XKR6: variants seen among roughly 807,000 people sequenced by gnomAD.
XKR6 encodes XK-related protein 6.
Under a neutral mutation model 56.7 loss-of-function variants are expected in XKR6, and 22 were observed. That is an observed-to-expected ratio of 0.39 (90% CI 0.28 to 0.55). The LOEUF (loss-of-function observed/expected upper bound fraction) is 0.55, where lower values mean the gene tolerates loss of function less well. XKR6 is among the 20% of genes least tolerant of loss of function. The probability of loss-of-function intolerance (pLI) is 0.66; values close to 1 mark genes in which losing one functional copy is unlikely to be tolerated. For missense variants in XKR6, 852 were observed against 889.0 expected, an observed-to-expected ratio of 0.96 and a Z score of 0.53; for synonymous variants, 524 against 387.8, an observed-to-expected ratio of 1.35 and a Z score of -4.13.
chr8:10,949,224 A>T (rs1320106296), intron 1 of XKR6, among the ~76,000 whole-genome samples: 1 of 152,182 alleles, frequency 6.6e-6, no homozygotes, highest in Non-Finnish European at 1.5e-5. Context: ...CCTCCATAAG[A>T]TAAAGAGCGG....
intron 1 of XKR6, among the ~76,000 whole-genome samples, chr8:10,927,554 C>T (rs948440524): frequency 3.3e-5 from 5 of 152,152 alleles, no homozygotes; most frequent in Non-Finnish European, 7.4e-5. Flanking sequence ...ATCTGGGTCC[C>T]AGGTCAGTAA....
At chr8:11,044,531 G>A (rs192916594) in intron 1 of XKR6, among the ~76,000 whole-genome samples, 103 of 152,254 alleles carry the variant, frequency 6.8e-4, no homozygotes, top group Non-Finnish European at 1.2e-3. Flanking sequence ...CCATCGCCAA[G>A]GTCAGCATGA....
intron 1 of XKR6, among the ~76,000 whole-genome samples, chr8:10,940,529 G>A (rs936644993): frequency 6.6e-6 from 1 of 152,224 alleles, no homozygotes; most frequent in African/African-American, 2.4e-5. Context: ...AGCCCTAGCA[G>A]AAGGCTGAGT....
At chr8:11,152,127 T>A (rs141587376) in intron 1 of XKR6, among the ~76,000 whole-genome samples, 1 of 152,262 alleles carries the variant, frequency 6.6e-6, no homozygotes, top group African/African-American at 2.4e-5. Flanking sequence ...ATAAGAATCT[T>A]AAGAAAATTT....
chr8:11,062,397 T>C (rs1224901119), intron 1 of XKR6, among the ~76,000 whole-genome samples: 3 of 152,212 alleles, frequency 2.0e-5, no homozygotes, highest in Non-Finnish European at 2.9e-5. Context: ...CCTTTATTTG[T>C]ATGTTCCTTC....
At chr8:10,899,235 G>A (rs149747422) in intron 2 of XKR6, among the ~76,000 whole-genome samples, 4 of 152,180 alleles carry the variant, frequency 2.6e-5, no homozygotes, top group Non-Finnish European at 4.4e-5. Context: ...TGTGGGTTCC[G>A]CCTTAAGGAA....
At chr8:11,105,492 C>T (rs1178561311) in intron 1 of XKR6, 2 of 152,248 alleles carry the variant, frequency 1.3e-5, no homozygotes, top group Non-Finnish European at 2.9e-5. Context: ...CGACCGTCAC[C>T]ACTGCTGAGT....
chr8:11,123,950 G>A (rs557699395), intron 1 of XKR6: 17 of 455,934 alleles, frequency 3.7e-5, no homozygotes, highest in East Asian at 2.1e-4. Context: ...GCAGAGGATC[G>A]GCTCCAGTGC....
At chr8:11,115,782 T>A (rs1799142359) in intron 1 of XKR6, among the ~76,000 whole-genome samples, 1 of 152,254 alleles carries the variant, frequency 6.6e-6, no homozygotes, top group African/African-American at 2.4e-5. Context: ...CACCAAGGCC[T>A]GATTTTTCAC....
intron 1 of XKR6, among the ~76,000 whole-genome samples, chr8:11,193,081 AC>A (rs1273504904): frequency 6.6e-6 from 1 of 152,330 alleles, no homozygotes; most frequent in South Asian, 2.1e-4. Context: ...GCCAGGGCAA[AC>A]CGTAATTATC....
intron 1 of XKR6, among the ~76,000 whole-genome samples, chr8:11,144,768 G>A (rs556846598): frequency 2.0e-4 from 31 of 151,414 alleles, no homozygotes; most frequent in South Asian, 4.2e-4. Context: ...TTTTGACTCC[G>A]TAAGATAATT....
chr8:11,047,101 A>T (rs1799429021), intron 1 of XKR6, among the ~76,000 whole-genome samples: 1 of 152,208 alleles, frequency 6.6e-6, no homozygotes, highest in Non-Finnish European at 1.5e-5. Flanking sequence ...ATAGTTAATA[A>T]CATATTGTCT....
intron 1 of XKR6, among the ~76,000 whole-genome samples, chr8:11,018,057 C>T (rs1385584618): frequency 6.6e-6 from 1 of 152,204 alleles, no homozygotes; most frequent in Non-Finnish European, 1.5e-5. Flanking sequence ...AACCTATACA[C>T]ATGTGACAAT....
intron 1 of XKR6, among the ~76,000 whole-genome samples, chr8:10,997,443 G>A (rs978802807): frequency 1.3e-5 from 2 of 152,172 alleles, no homozygotes; most frequent in African/African-American, 4.8e-5. Flanking sequence ...GAGAGCAGGG[G>A]TGGCGGTCTG....
chr8:10,971,465 TA>T (rs1024410502), intron 1 of XKR6, among the ~76,000 whole-genome samples: 3 of 151,898 alleles, frequency 2.0e-5, no homozygotes, highest in Non-Finnish European at 4.4e-5. Flanking sequence ...TAATTTGAAA[TA>T]AAAAAATAAA....
At chr8:10,924,929 C>G (rs1800835700) in intron 1 of XKR6, 99 bp from the exon 2 acceptor site, 2 of 1,319,984 alleles carry the variant, frequency 1.5e-6, no homozygotes, top group Admixed American at 2.2e-5. Flanking sequence ...TCAGCATCCC[C>G]CCAACTCCCT....
intron 1 of XKR6, among the ~76,000 whole-genome samples, chr8:11,089,052 A>G (rs1797983397): frequency 6.6e-6 from 1 of 152,194 alleles, no homozygotes. Context: ...ATTCCAGCCA[A>G]CAAAGCCACA....
intron 1 of XKR6, among the ~76,000 whole-genome samples, chr8:11,118,787 G>GT (rs1327099035): frequency 2.6e-5 from 4 of 152,210 alleles, no homozygotes; most frequent in African/African-American, 9.6e-5. Flanking sequence ...TTTTTGAAGG[G>GT]TTTTTTGTGT....
chr8:11,166,314 A>T lies in XKR6; in HGVS notation c.764+34262T>A, dbSNP rs113577397. 2.1e-3 allele frequency among the ~76,000 whole-genome samples: 316 copies of T among 152,236 alleles called. 1 individual carries two copies. The highest frequency in any genetic ancestry group is 7.2e-3 in the African/African-American group (301 of 41,544). ...ATTGCGTGTTCACAGTGGGGGAAAA[A>T]TCCCAAAATGTGGCCTCAAGGTGTC... On this transcript the variant is annotated intron_variant, in intron 1 of 2. Coordinates refer to ENST00000416569, the MANE Select transcript of XKR6 (RefSeq NM_173683.4).
Sources: gnomAD v4.1 joint callset for allele counts (sites outside exome capture counted in the v4.1 genomes callset) on GRCh38, gnomAD v4.1.1 for gene constraint, MANE v1.5 for transcripts, NCBI Gene and HGNC (gene_info 2026-07-23, HGNC 2026-07-21) for gene names.